Variants in FIGN observed in about 807,000 individuals in gnomAD.
The protein encoded by FIGN is fidgetin.
FIGN carries 11 observed loss-of-function variants against 51.3 expected under a neutral mutation model. The observed-to-expected ratio is 0.21, with a 90% CI of 0.13 to 0.35. The LOEUF is 0.35. Among genes scored for constraint, FIGN ranks in the 10% least tolerant of loss-of-function variants. The pLI, the probability that FIGN is intolerant of heterozygous loss-of-function variation, is 1.00. For synonymous variants in FIGN, 407 were observed against 363.2 expected, an observed-to-expected ratio of 1.12 and a Z score of -1.37; for missense variants, 857 against 943.6, an observed-to-expected ratio of 0.91 and a Z score of 1.20.
intron 2 of FIGN, among the ~76,000 whole-genome samples, chr2:163,714,239 C>G (rs1049970251): frequency 6.6e-6 from 1 of 152,308 alleles, no homozygotes; most frequent in African/African-American, 2.4e-5. Flanking sequence ...GGCCAGCAGC[C>G]AGCATTCCCT....
Position 163,610,125 on chromosome 2 carries a change from G to A in FIGN, c.1707C>T (p.Ala569=), listed in dbSNP as rs374198918. ...WLGEAEKIIH[A]SFLVARCRQP... ...GGCGACACCTGGCCACAAGAAAAGA[G>A]GCATGGATAATTTTCTCTGCTTCTC... Residue 569 remains alanine, a synonymous_variant, in exon 3 of 3, where the codon GCC becomes GCT. Transcript: ENST00000333129. The A allele has an allele frequency of 1.9e-6, 3 of 1,613,946 alleles. No homozygotes were observed. The highest frequency in any genetic ancestry group is 1.1e-5 in the South Asian group (1 of 91,086).
At chr2:163,614,811 T>C (rs1292280802) in intron 2 of FIGN, among the ~76,000 whole-genome samples, 1 of 152,064 alleles carries the variant, frequency 6.6e-6, no homozygotes, top group Non-Finnish European at 1.5e-5. Context: ...CAAATGAAAC[T>C]GCTTATTTTT....
At chr2:163,671,381 C>T (rs1418931453) in intron 2 of FIGN, among the ~76,000 whole-genome samples, 1 of 152,102 alleles carries the variant, frequency 6.6e-6, no homozygotes, top group South Asian at 2.1e-4. Context: ...AAGGGACTCA[C>T]GATCATGGAA....
intron 2 of FIGN, among the ~76,000 whole-genome samples, chr2:163,649,955 G>A (rs1365745146): frequency 1.3e-5 from 2 of 152,064 alleles, no homozygotes; most frequent in Non-Finnish European, 2.9e-5. Flanking sequence ...ATTGCCCAGC[G>A]TCACACAGCC....
intron 2 of FIGN, among the ~76,000 whole-genome samples, chr2:163,675,699 TTTC>T: frequency 7.0e-6 from 1 of 143,234 alleles, no homozygotes; most frequent in Admixed American, 7.2e-5. Flanking sequence ...TTTTCTTTTC[TTTC>T]TTTCTTTTTT....
rs930548170 is a variant in FIGN, at chr2:163,608,076, C to A, written c.*1476G>T. 6 of 152,602 alleles carry A rather than the reference C, an allele frequency of 3.9e-5. No individual in the cohort carries two copies. The highest frequency in any genetic ancestry group is 8.8e-5 in the Non-Finnish European group (6 of 68,040). 9.5% of individuals were successfully genotyped at this position (152,602 alleles called of 1,614,324 possible). A position where few individuals can be genotyped will look rare whatever the true frequency, so the allele number is the denominator to read the frequency against. On this transcript the variant is annotated 3_prime_UTR_variant, in exon 3 of 3. Coordinates refer to ENST00000333129, the MANE Select transcript of FIGN (RefSeq NM_018086.4). ...AAAACAAAGTAACATGTTTGGCAAG[C>A]TACATTGCAGTGTGTGTGTCCACTT...
chr2:163,724,115 A>G (rs1165110070), intron 2 of FIGN, among the ~76,000 whole-genome samples: 5 of 152,200 alleles, frequency 3.3e-5, no homozygotes, highest in Non-Finnish European at 7.3e-5. Flanking sequence ...CTTTTATAAA[A>G]AAGTAAACTA....
At chr2:163,664,569 A>T (rs1190148025) in intron 2 of FIGN, among the ~76,000 whole-genome samples, 1 of 152,228 alleles carries the variant, frequency 6.6e-6, no homozygotes, top group Non-Finnish European at 1.5e-5. Context: ...TTATAAGGGC[A>T]GCCAGTAGTA....
chr2:163,612,275 ACAT>A, intron 2 of FIGN: 1 of 977,346 alleles, frequency 1.0e-6, no homozygotes, highest in Non-Finnish European at 1.2e-6. Context: ...AGTTTGTTTT[ACAT>A]TTTAAGCAAT....
intron 2 of FIGN, among the ~76,000 whole-genome samples, chr2:163,640,130 C>G (rs1238954955): frequency 3.3e-5 from 5 of 151,774 alleles, no homozygotes; most frequent in East Asian, 1.9e-4. Flanking sequence ...AAATAAAACA[C>G]TTTTACAGAA....
intron 2 of FIGN, among the ~76,000 whole-genome samples, chr2:163,652,649 G>A (rs919498087): frequency 1.7e-4 from 26 of 152,050 alleles, no homozygotes; most frequent in Non-Finnish European, 3.1e-4. Context: ...AGTTTTTCTT[G>A]TTTAAGAAGA....
At chr2:163,661,241 T>C (rs1683674618) in intron 2 of FIGN, among the ~76,000 whole-genome samples, 1 of 151,014 alleles carries the variant, frequency 6.6e-6, no homozygotes. Flanking sequence ...TATTTATTAT[T>C]ATTATTATTA....
chr2:163,726,680 T>C (rs1420351940), intron 2 of FIGN, among the ~76,000 whole-genome samples: 1 of 152,038 alleles, frequency 6.6e-6, no homozygotes, highest in African/African-American at 2.4e-5. Flanking sequence ...CAAAGAAATA[T>C]ATCTATGCAC....
chr2:163,710,335 T>C (rs1044905172), intron 2 of FIGN, among the ~76,000 whole-genome samples: 11 of 152,340 alleles, frequency 7.2e-5, no homozygotes, highest in South Asian at 2.1e-4. Context: ...AGCTACACTT[T>C]CGTGGAAATT....
intron 2 of FIGN, among the ~76,000 whole-genome samples, chr2:163,614,353 C>T (rs186943129): frequency 2.0e-5 from 3 of 152,080 alleles, no homozygotes; most frequent in African/African-American, 7.2e-5. Context: ...AGGAACCAAT[C>T]GCAAGTAATC....
At chr2:163,680,554 C>G (rs1364989126) in intron 2 of FIGN, among the ~76,000 whole-genome samples, 4 of 152,276 alleles carry the variant, frequency 2.6e-5, no homozygotes, top group East Asian at 3.9e-4. Context: ...CACCTGGAAG[C>G]CTGTGAATTG....
chr2:163,638,316 T>C (rs1300724646), intron 2 of FIGN, among the ~76,000 whole-genome samples: 2 of 151,890 alleles, frequency 1.3e-5, no homozygotes, highest in Non-Finnish European at 2.9e-5. Context: ...TAAAAATTAA[T>C]GGTAATTTAA....
Position 163,610,536 on chromosome 2 carries a change from G to C in FIGN, c.1296C>G (p.Asp432Glu). The C allele has an allele frequency of 1.2e-6, 2 of 1,614,022 alleles. No homozygotes were observed. Among genetic ancestry groups the C allele is most frequent in the African/African-American group, 1.3e-5 (1 of 74,886 alleles). ...YTSPVMSEHG[D>E]EHRQLLSHPM... ...GGTGAGAGAGGAGCTGCCTGTGCTCGTCCCCATGCTCACTCATTACTGGCG... is the reference window on the plus strand; with the variant it reads ...GGTGAGAGAGGAGCTGCCTGTGCTCCTCCCCATGCTCACTCATTACTGGCG... Residue 432 changes from aspartate to glutamate, a missense_variant, in exon 3 of 3, where the codon GAC becomes GAG. Coordinates refer to ENST00000333129, the MANE Select transcript of FIGN (RefSeq NM_018086.4).
intron 2 of FIGN, among the ~76,000 whole-genome samples, chr2:163,683,208 C>T (rs868210267): frequency 1.3e-5 from 2 of 152,166 alleles, no homozygotes; most frequent in Non-Finnish European, 2.9e-5. Context: ...AATTCACCTT[C>T]CTGAATCCTC....
Sources: gnomAD v4.1 joint callset for allele counts (sites outside exome capture counted in the v4.1 genomes callset) on GRCh38, gnomAD v4.1.1 for gene constraint, MANE v1.5 for transcripts, NCBI Gene and HGNC (gene_info 2026-07-23, HGNC 2026-07-21) for gene names.